The following LPAR1 variants were observed in gnomAD, a reference collection of about 807,000 sequenced individuals.
LPAR1 encodes lysophosphatidic acid receptor 1, also known as LPA receptor 1.
In LPAR1, 5 loss-of-function variants were observed where a neutral mutation model predicts 23.8. The observed-to-expected ratio is 0.21, with a 90% confidence interval of 0.11 to 0.44. The LOEUF (loss-of-function observed/expected upper bound fraction) is 0.44, where lower values mean the gene tolerates loss of function less well. LPAR1 is among the 20% of genes least tolerant of loss of function. The pLI is 0.99. For missense variants in LPAR1, 311 were observed against 482.8 expected, an observed-to-expected ratio of 0.64 and a Z score of 3.33; for synonymous variants, 160 against 164.7, an observed-to-expected ratio of 0.97 and a Z score of 0.22.
At chr9:110,916,761 C>A (rs910109928) in intron 5 of LPAR1, among the ~76,000 whole-genome samples, 3 of 152,108 alleles carry the variant, frequency 2.0e-5, no homozygotes. Flanking sequence ...CCTAAAAAAA[C>A]TCCACTCACT....
chr9:110,898,001 T>C (rs1362144587), intron 5 of LPAR1, among the ~76,000 whole-genome samples: 2 of 152,212 alleles, frequency 1.3e-5, no homozygotes, highest in Non-Finnish European at 2.9e-5. Context: ...CAAGAAACCC[T>C]AGTAATTAGA....
intron 5 of LPAR1, among the ~76,000 whole-genome samples, chr9:110,939,830 T>A (rs1410408818): frequency 6.6e-6 from 1 of 152,318 alleles, no homozygotes; most frequent in African/African-American, 2.4e-5. Flanking sequence ...ATAGAAAAAG[T>A]TCATGCATAT....
At position 110,885,227 on chromosome 9, in the gene LPAR1, G is replaced by A. The variant is rs549075208; in HGVS notation, c.794-9505C>T. 1.8e-3 allele frequency among the ~76,000 whole-genome samples: 279 copies of A among 152,262 alleles called. 2 individuals carry two copies. The highest frequency in any genetic ancestry group is 6.6e-3 in the African/African-American group (273 of 41,544). On this transcript the variant is annotated intron_variant, in intron 5 of 5. Transcript: ENST00000683809. ...CTATACTATCACTGTTTCCATGTAA[G>A]ATGTTGCTCTACATTCAAATGCAGT...
At chr9:110,891,777 G>A (rs1303575528) in intron 5 of LPAR1, among the ~76,000 whole-genome samples, 1 of 152,134 alleles carries the variant, frequency 6.6e-6, no homozygotes, top group Non-Finnish European at 1.5e-5. Flanking sequence ...GGCGCATTAA[G>A]CACATGAAAA....
chr9:110,999,965 A>T (rs1405853990), intron 2 of LPAR1, among the ~76,000 whole-genome samples: 2 of 152,120 alleles, frequency 1.3e-5, no homozygotes, highest in Non-Finnish European at 2.9e-5. Context: ...CTTCTGCCTC[A>T]GCCTCCCAGA....
At chr9:110,916,884 CTT>C (rs1324850361) in intron 5 of LPAR1, among the ~76,000 whole-genome samples, 1 of 149,242 alleles carries the variant, frequency 6.7e-6, no homozygotes, top group Non-Finnish European at 1.5e-5. Flanking sequence ...ATAATTCATT[CTT>C]TTGGATAGGC....
intron 5 of LPAR1, among the ~76,000 whole-genome samples, chr9:110,893,435 C>A (rs562746767): frequency 6.6e-6 from 1 of 152,134 alleles, no homozygotes; most frequent in African/African-American, 2.4e-5. Flanking sequence ...TGGGAAGATA[C>A]GCACATTACA....
intron 2 of LPAR1, among the ~76,000 whole-genome samples, chr9:110,993,199 T>C (rs1433903498): frequency 6.6e-6 from 1 of 152,110 alleles, no homozygotes; most frequent in African/African-American, 2.4e-5. Context: ...TAGGTATACA[T>C]GTGCTATGTT....
At chr9:110,972,396 T>TA (rs2096453015) in intron 3 of LPAR1, among the ~76,000 whole-genome samples, 176 bp from the exon 4 acceptor site, 1 of 152,142 alleles carries the variant, frequency 6.6e-6, no homozygotes, top group Non-Finnish European at 1.5e-5. Context: ...TTCTGTGCTA[T>TA]CTGTCCAAAT....
At chr9:110,932,135 C>G (rs1290052066) in intron 5 of LPAR1, among the ~76,000 whole-genome samples, 1 of 152,128 alleles carries the variant, frequency 6.6e-6, no homozygotes, top group Non-Finnish European at 1.5e-5. Flanking sequence ...GAATTTTTGG[C>G]TACCTGGGTA....
intron 5 of LPAR1, among the ~76,000 whole-genome samples, chr9:110,904,532 C>G (rs1204727495): frequency 6.6e-6 from 1 of 152,094 alleles, no homozygotes; most frequent in Non-Finnish European, 1.5e-5. Flanking sequence ...CCCAAAAGTC[C>G]TCAATATCTA....
At chr9:110,967,912 T>C (rs1012056132) in intron 4 of LPAR1, among the ~76,000 whole-genome samples, 1 of 152,188 alleles carries the variant, frequency 6.6e-6, no homozygotes, top group African/African-American at 2.4e-5. Flanking sequence ...AAGCTATCTA[T>C]CTCTATGACC....
In LPAR1 at chr9:110,964,853, CTTTTTTTTTTT is replaced by C. The variant is rs35426082; in HGVS notation, c.45+7209_45+7219del. ...AAAGACAACAAACAGACACCAATCA[CTTTTTTTTTTT>C]TTTTTTTTTTTTTTTTTGAGACAGA... On this transcript the variant is annotated intron_variant, in intron 4 of 5. Coordinates refer to ENST00000683809, the MANE Select transcript of LPAR1 (RefSeq NM_001351411.2). Among the ~76,000 whole-genome samples the C allele has an allele frequency of 6.0e-5, 4 of 67,110 alleles. No individual in the cohort carries two copies. The South Asian group carries it at 2.6e-3, about 44-fold the overall frequency. 44.0% of individuals were successfully genotyped at this position (67,110 alleles called of 152,430 possible). A position where few individuals can be genotyped will look rare whatever the true frequency, so the allele number is the denominator to read the frequency against.
At chr9:110,998,278 T>C (rs1422937172) in intron 2 of LPAR1, among the ~76,000 whole-genome samples, 1 of 152,188 alleles carries the variant, frequency 6.6e-6, no homozygotes, top group Non-Finnish European at 1.5e-5. Context: ...GTATTGTTGA[T>C]TAGAAAAAGT....
chr9:110,946,472 AAGACAGAG>A lies in LPAR1; in HGVS notation c.46-4312_46-4305del, dbSNP rs1387304488. On this transcript the variant is annotated intron_variant, in intron 4 of 5. Transcript: ENST00000683809. ...AAAAAAATAACAAGTCAAATATCTA[AAGACAGAG>A]AGAATCAGAACAGACCCATTATACA... Among the ~76,000 whole-genome samples the A allele has an allele frequency of 3.3e-5, 5 of 152,288 alleles. No individual in the cohort carries two copies. The South Asian group carries it at 1.0e-3, about 32-fold the overall frequency.
intron 2 of LPAR1, among the ~76,000 whole-genome samples, chr9:111,029,476 A>C (rs1402131589): frequency 1.3e-5 from 2 of 150,704 alleles, no homozygotes; most frequent in African/African-American, 2.4e-5. Context: ...AATTTCAGGC[A>C]CTCCTCCCCA....
At chr9:110,939,910 T>C (rs1046197017) in intron 5 of LPAR1, among the ~76,000 whole-genome samples, 1 of 152,256 alleles carries the variant, frequency 6.6e-6, no homozygotes, top group Non-Finnish European at 1.5e-5. Flanking sequence ...AAAAGTCTCA[T>C]GTTATTTAAT....
At chr9:110,916,720 C>T (rs1165068084) in intron 5 of LPAR1, among the ~76,000 whole-genome samples, 1 of 152,034 alleles carries the variant, frequency 6.6e-6, no homozygotes, top group Admixed American at 6.6e-5. Flanking sequence ...CCAGTTTTCT[C>T]TAGAGAATGC....
At chr9:110,954,924 C>G (rs2095688300) in intron 4 of LPAR1, among the ~76,000 whole-genome samples, 1 of 152,118 alleles carries the variant, frequency 6.6e-6, no homozygotes, top group South Asian at 2.1e-4. Flanking sequence ...GTAAAACCCA[C>G]TGGTAGAGCA....
Sources: gnomAD v4.1 joint callset for allele counts (sites outside exome capture counted in the v4.1 genomes callset) on GRCh38, gnomAD v4.1.1 for gene constraint, MANE v1.5 for transcripts, NCBI Gene and HGNC (gene_info 2026-07-23, HGNC 2026-07-21) for gene names.